The following BTRC variants were observed in gnomAD, a reference collection of about 807,000 sequenced individuals.
BTRC encodes F-box/WD repeat-containing protein 1A.
Under a neutral mutation model 85.5 loss-of-function variants are expected in BTRC, and 42 were observed. The ratio of observed to expected loss-of-function variants is 0.49; its 90% confidence interval spans 0.38 to 0.64. The LOEUF is 0.64. Among genes scored for constraint, BTRC ranks in the 30% least tolerant of loss-of-function variants. The pLI is 0.00. For missense variants in BTRC, 594 were observed against 743.5 expected, an observed-to-expected ratio of 0.80 and a Z score of 2.34; for synonymous variants, 255 against 263.3, an observed-to-expected ratio of 0.97 and a Z score of 0.30.
At chr10:101,521,975 A>C (rs901425216) in intron 5 of BTRC, 105 bp downstream of exon 5, 5 of 541,994 alleles carry the variant, frequency 9.2e-6, no homozygotes, top group African/African-American at 7.2e-5. Context: ...CTTGATTTTT[A>C]CAAATTAAGT....
At chr10:101,429,325 A>G (rs572348398) in intron 1 of BTRC, among the ~76,000 whole-genome samples, 6 of 152,290 alleles carry the variant, frequency 3.9e-5, no homozygotes, top group Non-Finnish European at 5.9e-5. Flanking sequence ...TGTAGCTGCA[A>G]TAATACTAAT....
rs190870563 is a variant in BTRC at position 101,458,602 on chromosome 10, C to T, written c.157-3379C>T. ...TTTCCAATTGCCTCAACAGTGTGTG[C>T]TATACCTCTTTAGTTTCCTTTAATC... is the stretch of plus-strand genomic sequence containing the variant. On this transcript the variant is annotated intron_variant, in intron 2 of 14. Coordinates refer to ENST00000370187, the MANE Select transcript of BTRC (RefSeq NM_033637.4). 2.5e-3 allele frequency among the ~76,000 whole-genome samples: 377 copies of T among 152,278 alleles called. 3 individuals are homozygous for T. Among genetic ancestry groups the T allele is most frequent in the African/African-American group, 8.4e-3 (351 of 41,562 alleles).
intron 7 of BTRC, 138 bp from the exon 8 acceptor site, chr10:101,532,157 A>G: frequency 1.2e-6 from 1 of 805,716 alleles, no homozygotes. Flanking sequence ...TAGCCTTTTA[A>G]AGACATTTTT....
At chr10:101,440,992 T>A (rs759036584) in intron 2 of BTRC, among the ~76,000 whole-genome samples, 1 of 152,226 alleles carries the variant, frequency 6.6e-6, no homozygotes, top group Non-Finnish European at 1.5e-5. Context: ...TTGTTGTTTT[T>A]AAGTATTGCT....
At chr10:101,524,231 C>G (rs1389505021) in intron 5 of BTRC, among the ~76,000 whole-genome samples, 1 of 152,006 alleles carries the variant, frequency 6.6e-6, no homozygotes, top group Non-Finnish European at 1.5e-5. Context: ...GATTTTTGCC[C>G]CCTCTTTACT....
intron 1 of BTRC, among the ~76,000 whole-genome samples, chr10:101,416,534 A>G (rs769597393): frequency 7.2e-5 from 11 of 152,068 alleles, no homozygotes; most frequent in African/African-American, 2.4e-4. Context: ...CATGGTGTCA[A>G]TTGAAAGCCT....
intron 2 of BTRC, among the ~76,000 whole-genome samples, chr10:101,455,983 A>AACACACACACACACACACACAC (rs745628596): frequency 0.071 from 6,811 of 95,820 alleles, 556 homozygotes; most frequent in African/African-American, 0.089. Flanking sequence ...CTCTACTAAA[A>AACACACACACACACACACACAC]ACACACACAC....
At chr10:101,473,079 G>A (rs1418078932) in intron 3 of BTRC, among the ~76,000 whole-genome samples, 1 of 151,472 alleles carries the variant, frequency 6.6e-6, no homozygotes, top group East Asian at 1.9e-4. Flanking sequence ...TTGGACTCCA[G>A]CCACGCATAT....
chr10:101,439,297 G>A (rs1203765569), intron 2 of BTRC, among the ~76,000 whole-genome samples: 1 of 152,108 alleles, frequency 6.6e-6, no homozygotes, highest in African/African-American at 2.4e-5. Context: ...GAACCACAAG[G>A]TACACGAGCA....
chr10:101,469,469 A>T (rs546219182), intron 3 of BTRC, among the ~76,000 whole-genome samples: 2 of 152,140 alleles, frequency 1.3e-5, no homozygotes, highest in Non-Finnish European at 1.5e-5. Flanking sequence ...ATGTTATTAC[A>T]TATTCATTCA....
At chr10:101,425,558 TTTAACAG>T (rs1187712793) in intron 1 of BTRC, among the ~76,000 whole-genome samples, 3 of 152,116 alleles carry the variant, frequency 2.0e-5, no homozygotes, top group African/African-American at 7.2e-5. Flanking sequence ...TTGCAAGTTA[TTTAACAG>T]TTAACAGAAG....
chr10:101,404,030 A>ATTT (rs1160307747), intron 1 of BTRC, among the ~76,000 whole-genome samples: 4,783 of 25,318 alleles, frequency 0.19, 1,384 homozygotes, highest in Middle Eastern at 0.4. Flanking sequence ...ATATATATAT[A>ATTT]TTTTTTTTTT....
intron 2 of BTRC, among the ~76,000 whole-genome samples, chr10:101,452,975 A>G (rs1944987086): frequency 6.6e-6 from 1 of 152,160 alleles, no homozygotes; most frequent in Admixed American, 6.5e-5. Context: ...TCCTAAAAGG[A>G]TTAATTAAAA....
intron 13 of BTRC, 95 bp from the exon 14 acceptor site, chr10:101,550,604 C>T: frequency 7.4e-7 from 1 of 1,355,612 alleles, no homozygotes; most frequent in Non-Finnish European, 1.0e-6. Flanking sequence ...CAAACCATAG[C>T]CTTTCCGTAG....
intron 3 of BTRC, among the ~76,000 whole-genome samples, chr10:101,469,699 C>T (rs1018042949): frequency 5.9e-5 from 9 of 152,186 alleles, no homozygotes; most frequent in African/African-American, 2.2e-4. Flanking sequence ...GTGTAACCAC[C>T]ACCCTAATTA....
At chr10:101,427,174 G>A (rs1433342335) in intron 1 of BTRC, among the ~76,000 whole-genome samples, 2 of 137,130 alleles carry the variant, frequency 1.5e-5, no homozygotes, top group Non-Finnish European at 3.0e-5. Flanking sequence ...CTGGAGTGCA[G>A]TGGCACAATC....
intron 4 of BTRC, among the ~76,000 whole-genome samples, chr10:101,510,522 A>C (rs929285398): frequency 3.3e-5 from 5 of 151,804 alleles, no homozygotes; most frequent in African/African-American, 1.2e-4. Flanking sequence ...AAAAAAACAA[A>C]AAAAAAAGTC....
chr10:101,532,147 T>C, intron 7 of BTRC, 148 bp from the exon 8 acceptor site: 1 of 702,518 alleles, frequency 1.4e-6, no homozygotes, highest in Non-Finnish European at 2.2e-6. Flanking sequence ...ATATAGATAG[T>C]AGCCTTTTAA....
intron 2 of BTRC, among the ~76,000 whole-genome samples, chr10:101,460,917 T>C (rs1427247148): frequency 1.3e-5 from 2 of 152,170 alleles, no homozygotes; most frequent in Admixed American, 1.3e-4. Flanking sequence ...GTTGTTGTTG[T>C]TTTGAGACGG....
Sources: allele counts gnomAD v4.1 joint callset (sites outside exome capture counted in the v4.1 genomes callset), GRCh38; gene constraint gnomAD v4.1.1; transcripts MANE v1.5; gene names NCBI Gene and HGNC (gene_info 2026-07-23, HGNC 2026-07-21).